SND1: variants seen among roughly 807,000 people sequenced by gnomAD.
SND1 encodes the protein staphylococcal nuclease domain-containing protein 1.
A neutral mutation model predicts 121.7 loss-of-function variants in SND1; 38 were observed. That is an observed-to-expected ratio of 0.31 (90% CI 0.24 to 0.41). SND1 has a LOEUF of 0.41. Ranked by LOEUF, SND1 falls within the 10% of genes least tolerant of loss-of-function variation. The pLI is 1.00. For missense variants in SND1, 868 were observed against 1,184.6 expected (o/e 0.73, Z 3.92); for synonymous variants, 401 against 447.4 (o/e 0.90, Z 1.31).
chr7:127,955,778 A>G (rs540810255), intron 15 of SND1, among the ~76,000 whole-genome samples: 2 of 152,196 alleles, frequency 1.3e-5, no homozygotes, highest in Non-Finnish European at 2.9e-5. Context: ...TCTGCCTTGT[A>G]CAAGGGAGAC....
intron 11 of SND1, among the ~76,000 whole-genome samples, chr7:127,812,552 G>A (rs73721009): frequency 0.017 from 2,590 of 152,236 alleles, 92 homozygotes; most frequent in African/African-American, 0.059. Flanking sequence ...GGAGCATCAG[G>A]GAGAAAGGAA....
At chr7:127,910,620 A>T (rs1407504938) in intron 14 of SND1, among the ~76,000 whole-genome samples, 2 of 151,952 alleles carry the variant, frequency 1.3e-5, no homozygotes, top group Non-Finnish European at 2.9e-5. Flanking sequence ...CCCTCATATG[A>T]TTCTAATGTT....
At chr7:127,908,317 A>AAT (rs1800385277) in intron 14 of SND1, among the ~76,000 whole-genome samples, 2 of 78,730 alleles carry the variant, frequency 2.5e-5, no homozygotes, top group Admixed American at 3.0e-4. Flanking sequence ...AATAATAATA[A>AAT]ATGTGTGTGT....
At chr7:127,733,390 A>G (rs1796715478) in intron 10 of SND1, among the ~76,000 whole-genome samples, 1 of 152,168 alleles carries the variant, frequency 6.6e-6, no homozygotes, top group Non-Finnish European at 1.5e-5. Context: ...TATATCTTTC[A>G]GTGATCATGG....
intron 10 of SND1, among the ~76,000 whole-genome samples, chr7:127,796,188 ATAG>A (rs1196757136): frequency 1.3e-5 from 2 of 151,964 alleles, no homozygotes; most frequent in Non-Finnish European, 2.9e-5. Flanking sequence ...ATATTTAGTA[ATAG>A]TAGCCAGAAG....
chr7:127,890,072 G>A (rs1799981781), intron 13 of SND1, among the ~76,000 whole-genome samples: 1 of 152,002 alleles, frequency 6.6e-6, no homozygotes, highest in Non-Finnish European at 1.5e-5. Flanking sequence ...TCATATGGTA[G>A]CTCTATTTTT....
At chr7:128,078,733 G>A (rs571664589) in intron 17 of SND1, among the ~76,000 whole-genome samples, 5 of 152,200 alleles carry the variant, frequency 3.3e-5, no homozygotes, top group Non-Finnish European at 7.3e-5. Flanking sequence ...TGTGTGTTCC[G>A]AATTCATCAA....
intron 12 of SND1, among the ~76,000 whole-genome samples, chr7:127,847,758 G>A (rs1001919780): frequency 4.6e-5 from 7 of 152,208 alleles, no homozygotes; most frequent in Non-Finnish European, 8.8e-5. Flanking sequence ...GTGCGTAGAT[G>A]CCAATAATAT....
At chr7:127,778,950 G>A (rs1797669886) in intron 10 of SND1, among the ~76,000 whole-genome samples, 1 of 152,254 alleles carries the variant, frequency 6.6e-6, no homozygotes, top group Non-Finnish European at 1.5e-5. Flanking sequence ...ACTTAGACTA[G>A]TAATCTTGGC....
chr7:127,674,880 T>C (rs1321908236), intron 1 of SND1, among the ~76,000 whole-genome samples: 1 of 151,510 alleles, frequency 6.6e-6, no homozygotes, highest in Non-Finnish European at 1.5e-5. Context: ...CTCCAGTTTT[T>C]CTGTGATGTA....
intron 15 of SND1, among the ~76,000 whole-genome samples, chr7:127,974,036 G>C (rs919998869): frequency 4.6e-5 from 7 of 152,188 alleles, no homozygotes; most frequent in Non-Finnish European, 1.0e-4. Context: ...CTCTCTGGGA[G>C]TGCTACTGTC....
At chr7:127,668,688 C>T (rs1314228076) in intron 1 of SND1, among the ~76,000 whole-genome samples, 1 of 152,158 alleles carries the variant, frequency 6.6e-6, no homozygotes, top group Non-Finnish European at 1.5e-5. Context: ...TGAATGAAAG[C>T]CGAACCCCTA....
intron 15 of SND1, among the ~76,000 whole-genome samples, chr7:127,982,007 G>C (rs539115866): frequency 6.6e-6 from 1 of 152,278 alleles, no homozygotes; most frequent in East Asian, 1.9e-4. Flanking sequence ...CTGAATTATT[G>C]AGCATCTTCT....
chr7:127,770,058 C>T (rs2116495600), intron 10 of SND1, among the ~76,000 whole-genome samples: 1 of 152,334 alleles, frequency 6.6e-6, no homozygotes, highest in Non-Finnish European at 1.5e-5. Context: ...GCCTAACCTT[C>T]CAGCTTTGTG....
At chr7:127,938,990 T>G (rs1801124779) in intron 15 of SND1, among the ~76,000 whole-genome samples, 1 of 152,188 alleles carries the variant, frequency 6.6e-6, no homozygotes, top group Non-Finnish European at 1.5e-5. Context: ...GAGTAAAGAA[T>G]GTATTGACAT....
intron 14 of SND1, among the ~76,000 whole-genome samples, chr7:127,918,518 G>T (rs1054340465): frequency 1.3e-5 from 2 of 152,096 alleles, no homozygotes; most frequent in Non-Finnish European, 2.9e-5. Context: ...CACAATGTGG[G>T]TTTCCTTATT....
chr7:127,738,547 G>A (rs966858465), intron 10 of SND1, among the ~76,000 whole-genome samples: 1 of 152,116 alleles, frequency 6.6e-6, no homozygotes, highest in South Asian at 2.1e-4. Context: ...CCAAAGTGCT[G>A]GGATTACAGG....
At chr7:127,706,439 T>C (rs1356927078) in intron 8 of SND1, among the ~76,000 whole-genome samples, 1 of 151,958 alleles carries the variant, frequency 6.6e-6, no homozygotes, top group Non-Finnish European at 1.5e-5. Flanking sequence ...TTTTGTATTT[T>C]AGTGGAGACT....
chr7:127,752,586 A>T (rs1271427607), intron 10 of SND1, among the ~76,000 whole-genome samples: 1 of 152,144 alleles, frequency 6.6e-6, no homozygotes, highest in Non-Finnish European at 1.5e-5. Context: ...AGGATACTTG[A>T]TTTTCTATAA....
Sources: gnomAD v4.1 joint callset for allele counts (sites outside exome capture counted in the v4.1 genomes callset) on GRCh38, gnomAD v4.1.1 for gene constraint, MANE v1.5 for transcripts, NCBI Gene and HGNC (gene_info 2026-07-23, HGNC 2026-07-21) for gene names.